The following SLC2A9 variants were observed in gnomAD, a reference collection of about 807,000 sequenced individuals.
The protein encoded by SLC2A9 is solute carrier family 2 member 9.
In SLC2A9, 39 loss-of-function variants were observed where a neutral mutation model predicts 50.6. The ratio of observed to expected loss-of-function variants is 0.77; its 90% CI spans 0.60 to 1.01. The LOEUF (loss-of-function observed/expected upper bound fraction) is 1.01. Among genes scored for constraint, SLC2A9 ranks in the 50% least tolerant of loss-of-function variants. The probability of loss-of-function intolerance (pLI) is 0.00; values close to 1 mark genes in which losing one functional copy is unlikely to be tolerated. For missense variants in SLC2A9, 686 were observed against 677.6 expected (o/e 1.01, Z -0.14); for synonymous variants, 324 against 276.9 (o/e 1.17, Z -1.69).
intron 3 of SLC2A9, among the ~76,000 whole-genome samples, chr4:9,808,399 G>A (rs1227599096): frequency 6.6e-6 from 1 of 152,092 alleles, no homozygotes. Flanking sequence ...TGCCTGCGTC[G>A]GCCACAGTGA....
downstream of SLC2A9, among the ~76,000 whole-genome samples, chr4:9,795,939 T>A (rs373720175): frequency 2.1e-4 from 32 of 152,354 alleles, no homozygotes; most frequent in South Asian, 6.4e-3. Context: ...TTGGAAACAC[T>A]AACTCATTTA....
upstream of SLC2A9, chr4:10,025,746 T>C: frequency 1.5e-6 from 1 of 661,674 alleles, no homozygotes; most frequent in East Asian, 2.8e-5. Context: ...ACAATCCCCA[T>C]GGCTCCTTCC....
intron 8 of SLC2A9, among the ~76,000 whole-genome samples, chr4:9,899,962 C>G (rs1175197119): frequency 6.6e-6 from 1 of 152,172 alleles, no homozygotes; most frequent in Non-Finnish European, 1.5e-5. Flanking sequence ...GTGAAGCACT[C>G]CCCCTCATGC....
At chr4:9,783,524 C>T in intron 3 of SLC2A9, 2 of 1,457,562 alleles carry the variant, frequency 1.4e-6, no homozygotes, top group South Asian at 2.7e-5. Context: ...CAAGCACGCA[C>T]ACACACGCAA....
intron 3 of SLC2A9, among the ~76,000 whole-genome samples, chr4:9,806,263 AG>A (rs1295757690): frequency 6.6e-6 from 1 of 152,254 alleles, no homozygotes; most frequent in Non-Finnish European, 1.5e-5. Context: ...AATGAGGTCA[AG>A]GAACACTTGG....
intron 3 of SLC2A9, among the ~76,000 whole-genome samples, chr4:9,788,646 G>A (rs535421482): frequency 1.3e-5 from 2 of 152,202 alleles, no homozygotes; most frequent in South Asian, 4.2e-4. Context: ...TCAGAACACT[G>A]TTTTCTATTG....
At chr4:10,012,754 GGT>G (rs964556013) in intron 2 of SLC2A9, among the ~76,000 whole-genome samples, 64 of 152,250 alleles carry the variant, frequency 4.2e-4, no homozygotes, top group Middle Eastern at 6.8e-3. Flanking sequence ...TCCAGCGTGC[GGT>G]GTGTTTGAGG....
intron 6 of SLC2A9, among the ~76,000 whole-genome samples, chr4:9,925,293 C>T (rs1265904891): frequency 1.3e-5 from 2 of 152,246 alleles, no homozygotes; most frequent in Admixed American, 1.3e-4. Context: ...TGGCTAATCA[C>T]TGTTACCCTC....
chr4:9,916,737 G>A lies in SLC2A9; in HGVS notation c.1002+3648C>T, dbSNP rs573005022. On this transcript the variant is annotated intron_variant, in intron 7 of 11. Coordinates refer to ENST00000264784, the MANE Select transcript of SLC2A9 (RefSeq NM_020041.3). The stretch of plus-strand genomic sequence containing the variant: ...AGGAAGGGTCATCCCAAGTAGATAA[G>A]AGAACCACCATGACCCTGGGCATTC... Among the ~76,000 whole-genome samples the A allele has an allele frequency of 2.0e-5, 3 of 152,320 alleles. No individual in the cohort carries two copies. In the South Asian group the frequency reaches 6.2e-4, roughly 32 times the overall value.
At chr4:9,817,533 G>T (rs996235667) in intron 3 of SLC2A9, among the ~76,000 whole-genome samples, 2 of 152,174 alleles carry the variant, frequency 1.3e-5, no homozygotes, top group African/African-American at 4.8e-5. Flanking sequence ...TGTTTCATAT[G>T]CTTAACATAC....
At chr4:9,971,787 T>G (rs1414119888) in intron 5 of SLC2A9, among the ~76,000 whole-genome samples, 1 of 152,154 alleles carries the variant, frequency 6.6e-6, no homozygotes, top group African/African-American at 2.4e-5. Flanking sequence ...AGGAAGGTCA[T>G]GAAAGGAAGA....
rs113938491 is a variant in SLC2A9 at position 9,887,556 on chromosome 4, G to A, written c.1291+11C>T. 6.4e-7 allele frequency: 1 copy of A among 1,554,862 alleles called. No homozygotes were observed. Among genetic ancestry groups the A allele is most frequent in the Non-Finnish European group, 8.7e-7 (1 of 1,149,952 alleles). Reference sequence around the variant, plus strand: ...CCTGGGCGGGGCAGTGGGGAGGGTGGGGTGCCTTACCTGGCCCACTGCAGA... The same window carrying A: ...CCTGGGCGGGGCAGTGGGGAGGGTGAGGTGCCTTACCTGGCCCACTGCAGA... On this transcript the variant is annotated intron_variant, in intron 10 of 11. Coordinates refer to ENST00000264784, the MANE Select transcript of SLC2A9 (RefSeq NM_020041.3).
At chr4:9,942,117 AGGT>A in intron 5 of SLC2A9, 72 bp from the exon 6 acceptor site, 1 of 1,599,666 alleles carries the variant, frequency 6.3e-7, no homozygotes, top group East Asian at 2.2e-5. Context: ...CCACTGGACC[AGGT>A]GGTTTCGACC....
intron 6 of SLC2A9, among the ~76,000 whole-genome samples, chr4:9,920,843 G>C (rs1428307351): frequency 3.3e-5 from 5 of 152,240 alleles, no homozygotes; most frequent in Non-Finnish European, 7.3e-5. Flanking sequence ...CGCAACGCAA[G>C]GCAGAGCACA....
At chr4:9,994,827 A>G (rs1449703287) in intron 3 of SLC2A9, among the ~76,000 whole-genome samples, 1 of 152,004 alleles carries the variant, frequency 6.6e-6, no homozygotes, top group Non-Finnish European at 1.5e-5. Context: ...GTCAGGTATA[A>G]AGCAAGGAGA....
chr4:9,979,276 A>T (rs556502341), intron 5 of SLC2A9, among the ~76,000 whole-genome samples: 2 of 152,264 alleles, frequency 1.3e-5, no homozygotes, highest in South Asian at 4.1e-4. Context: ...TTAGGATTTG[A>T]GCAGCATAAC....
chr4:9,821,139 G>T (rs1264086125), intron 3 of SLC2A9, among the ~76,000 whole-genome samples: 1 of 152,086 alleles, frequency 6.6e-6, no homozygotes, highest in Non-Finnish European at 1.5e-5. Flanking sequence ...GAACATAGAG[G>T]GATGTTGAAT....
intron 1 of SLC2A9, chr4:10,034,091 G>A (rs16892420): frequency 0.091 from 13,911 of 152,308 alleles, 1,145 homozygotes; most frequent in East Asian, 0.46. Context: ...AGAACGTCCC[G>A]TGCTGGATCG....
chr4:10,007,447 G>A (rs1760990033), intron 2 of SLC2A9, among the ~76,000 whole-genome samples: 1 of 152,252 alleles, frequency 6.6e-6, no homozygotes, highest in Admixed American at 6.5e-5. Context: ...AGCCAGGCAA[G>A]TAAGGCTTTC....
Sources: allele counts gnomAD v4.1 joint callset (sites outside exome capture counted in the v4.1 genomes callset), GRCh38; gene constraint gnomAD v4.1.1; transcripts MANE v1.5; gene names NCBI Gene and HGNC (gene_info 2026-07-23, HGNC 2026-07-21).